The following DEPTOR variants were observed in gnomAD, a reference collection of about 807,000 sequenced individuals.
The protein encoded by DEPTOR is DEP domain containing MTOR interacting protein.
A neutral mutation model predicts 41.6 loss-of-function variants in DEPTOR; 41 were observed. That is an observed-to-expected ratio of 0.98 (90% CI 0.77 to 1.28). DEPTOR has a LOEUF of 1.28. DEPTOR is among the 50% of genes most tolerant of loss of function. DEPTOR has a pLI of 0.00. For synonymous variants in DEPTOR, 195 were observed against 192.3 expected, an observed-to-expected ratio of 1.01 and a Z score of -0.12; for missense variants, 514 against 527.9, an observed-to-expected ratio of 0.97 and a Z score of 0.26.
Position 119,928,400 on chromosome 8 carries a change from G to C in DEPTOR, c.123G>C (p.Arg41=), listed in dbSNP as rs1827990055. 1 of 1,610,288 alleles carries C rather than the reference G, an allele frequency of 6.2e-7. No homozygotes were observed. Among genetic ancestry groups the C allele is most frequent in the Non-Finnish European group, 8.5e-7 (1 of 1,178,444 alleles). ...AEVLVTGEQL[R]LRLHEEKVIK... is the part of the protein sequence containing the mutation. ...AAGTAATTGCTAATTTTTCTTTCAG[G>C]CTCAGGCTGCACGAAGAAAAGGTTA... The change falls in exon 2 of 9, where the codon CGG becomes CGC. Residue 41 remains arginine (R), a splice_region_variant and synonymous_variant. Transcript: ENST00000286234.
intron 8 of DEPTOR, among the ~76,000 whole-genome samples, chr8:120,017,827 G>C (rs1225868418): frequency 3.9e-5 from 6 of 152,134 alleles, no homozygotes; most frequent in Non-Finnish European, 7.4e-5. Flanking sequence ...AAGTTTTCAT[G>C]CTACCCTGTG....
intron 1 of DEPTOR, among the ~76,000 whole-genome samples, chr8:119,887,554 C>T (rs1257176885): frequency 7.5e-6 from 1 of 133,462 alleles, no homozygotes; most frequent in African/African-American, 2.9e-5. Flanking sequence ...GGCTGGAGTT[C>T]AGTGGTGTAA....
chr8:119,873,861 C>T lies in DEPTOR; in HGVS notation c.15C>T (p.Gly5=). The change falls in exon 1 of 9, where the codon GGC becomes GGT. Residue 5 remains glycine (G), a synonymous_variant. Coordinates refer to ENST00000286234, the MANE Select transcript of DEPTOR (RefSeq NM_022783.4). The part of the protein sequence containing the change: MEEG[G]STGSAGSDSS... ...GCCCTAAAACCATGGAGGAGGGCGGCAGCACTGGCAGTGCTGGCAGTGACA... is the reference window on the plus strand; with the variant it reads ...GCCCTAAAACCATGGAGGAGGGCGGTAGCACTGGCAGTGCTGGCAGTGACA... 1 of 1,613,266 alleles carries T rather than the reference C, an allele frequency of 6.2e-7. No homozygotes were observed. The highest frequency in any genetic ancestry group is 8.5e-7 in the Non-Finnish European group (1 of 1,179,712).
chr8:119,986,060 T>C (rs1394189990), intron 4 of DEPTOR, among the ~76,000 whole-genome samples: 2 of 152,094 alleles, frequency 1.3e-5, no homozygotes, highest in African/African-American at 2.4e-5. Flanking sequence ...GTGAATTTGA[T>C]CCTGTCATTA....
At chr8:120,039,664 T>G (rs745950512) in intron 8 of DEPTOR, among the ~76,000 whole-genome samples, 2 of 152,198 alleles carry the variant, frequency 1.3e-5, no homozygotes, top group Non-Finnish European at 2.9e-5. Flanking sequence ...TTTTGATATT[T>G]TGGCTGCCAA....
chr8:119,928,375 A>G (rs370601820), intron 1 of DEPTOR, 25 bp from the exon 2 acceptor site: 2 of 1,603,474 alleles, frequency 1.2e-6, no homozygotes, highest in Non-Finnish European at 1.7e-6. Context: ...AGAATTTCCA[A>G]AGTAATTGCT....
intron 1 of DEPTOR, among the ~76,000 whole-genome samples, chr8:119,875,103 A>G (rs1368935577): frequency 1.3e-5 from 2 of 152,162 alleles, no homozygotes; most frequent in Non-Finnish European, 1.5e-5. Context: ...TTCTTTGTTG[A>G]TTTTTAAAAA....
At chr8:119,972,115 G>C (rs1045579175) in intron 4 of DEPTOR, among the ~76,000 whole-genome samples, 1 of 152,198 alleles carries the variant, frequency 6.6e-6, no homozygotes, top group South Asian at 2.1e-4. Flanking sequence ...GGAGAATTAA[G>C]TGATTGCACT....
At chr8:119,971,138 C>T (rs1466199014) in intron 4 of DEPTOR, among the ~76,000 whole-genome samples, 1 of 150,272 alleles carries the variant, frequency 6.7e-6, no homozygotes, top group Non-Finnish European at 1.5e-5. Context: ...GAGGCTGAGG[C>T]AGGATGATGG....
chr8:119,966,571 G>T (rs1424167128), intron 4 of DEPTOR, among the ~76,000 whole-genome samples: 1 of 152,056 alleles, frequency 6.6e-6, no homozygotes, highest in Admixed American at 6.6e-5. Context: ...TGCAACCTCC[G>T]CCTCCCAGGT....
intron 4 of DEPTOR, among the ~76,000 whole-genome samples, chr8:119,971,710 ACAT>A (rs1362897204): frequency 1.3e-5 from 2 of 152,130 alleles, no homozygotes; most frequent in African/African-American, 4.8e-5. Flanking sequence ...AAGGTCGGAG[ACAT>A]CGTAGATTTT....
intron 8 of DEPTOR, among the ~76,000 whole-genome samples, chr8:120,046,389 T>C (rs1813153410): frequency 6.7e-6 from 1 of 149,548 alleles, no homozygotes; most frequent in African/African-American, 2.5e-5. Flanking sequence ...AAGTAATCAA[T>C]AATCTACTTG....
chr8:120,031,503 T>C (rs1178878923), intron 8 of DEPTOR, among the ~76,000 whole-genome samples: 1 of 152,022 alleles, frequency 6.6e-6, no homozygotes, highest in Non-Finnish European at 1.5e-5. Flanking sequence ...TATTTGCATT[T>C]ACTTATGTGC....
At chr8:119,942,426 G>A (rs892430792) in intron 3 of DEPTOR, among the ~76,000 whole-genome samples, 3 of 152,138 alleles carry the variant, frequency 2.0e-5, no homozygotes, top group Admixed American at 6.6e-5. Context: ...GGCTGGTCAC[G>A]ATCTCCTGAC....
At chr8:119,957,597 T>TC (rs979635979) in intron 3 of DEPTOR, among the ~76,000 whole-genome samples, 7 of 151,516 alleles carry the variant, frequency 4.6e-5, no homozygotes, top group Non-Finnish European at 7.4e-5. Flanking sequence ...TTTCTTTCTT[T>TC]TTTTTTTTTC....
chr8:120,024,559 G>A (rs1812771049), intron 8 of DEPTOR, among the ~76,000 whole-genome samples: 1 of 152,118 alleles, frequency 6.6e-6, no homozygotes, highest in Non-Finnish European at 1.5e-5. Context: ...GGGGAAATTG[G>A]CCACAGGGAC....
At chr8:119,929,728 T>C in intron 2 of DEPTOR, 87 bp from the exon 3 acceptor site, 1 of 1,507,142 alleles carries the variant, frequency 6.6e-7, no homozygotes, top group Non-Finnish European at 8.9e-7. Context: ...AGTGAAATAA[T>C]TCTTAATTAG....
chr8:119,891,967 T>G (rs535909143), intron 1 of DEPTOR, among the ~76,000 whole-genome samples: 1 of 152,294 alleles, frequency 6.6e-6, no homozygotes, highest in African/African-American at 2.4e-5. Flanking sequence ...CAGCCTCTGT[T>G]GGAGCTACCT....
chr8:120,031,435 A>T (rs996949675), intron 8 of DEPTOR, among the ~76,000 whole-genome samples: 9 of 152,164 alleles, frequency 5.9e-5, no homozygotes, highest in Admixed American at 2.0e-4. Flanking sequence ...ACTGCACTCC[A>T]GCCTGGGTGA....
Sources: allele counts gnomAD v4.1 joint callset (sites outside exome capture counted in the v4.1 genomes callset), GRCh38; gene constraint gnomAD v4.1.1; transcripts MANE v1.5; gene names NCBI Gene and HGNC (gene_info 2026-07-23, HGNC 2026-07-21).